NBPF12: variants seen among roughly 807,000 people sequenced by gnomAD.
The protein encoded by NBPF12 is NBPF member 12, also known as NBPF family member NBPF12.
NBPF12 carries 115 observed loss-of-function variants against 146.4 expected under a neutral mutation model. The ratio of observed to expected loss-of-function variants is 0.79; its 90% CI spans 0.68 to 0.92. The LOEUF (loss-of-function observed/expected upper bound fraction) is 0.92, where lower values mean the gene tolerates loss of function less well. NBPF12 is among the 40% of genes least tolerant of loss of function. The pLI, the probability that NBPF12 is intolerant of heterozygous loss-of-function variation, is 0.00. For missense variants in NBPF12, 1,205 were observed against 1,326.8 expected (o/e 0.91, Z 1.43); for synonymous variants, 385 against 508.9 (o/e 0.76, Z 3.28).
chr1:146,969,675 A>C, intron 11 of NBPF12, 79 bp downstream of exon 14: 2 of 1,524,806 alleles, frequency 1.3e-6, no homozygotes, highest in Non-Finnish European at 1.8e-6. Context: ...TCACAATGAC[A>C]GTTGTATCAG....
At chr1:146,963,377 T>A in intron 6 of NBPF12, 68 bp downstream of exon 9, 1 of 1,588,054 alleles carries the variant, frequency 6.3e-7, no homozygotes. Context: ...CCTCCATACT[T>A]TCATGATGAC....
chr1:146,965,031 A>C, exon 8 of NBPF12: 1 of 1,608,712 alleles, frequency 6.2e-7, no homozygotes, highest in Non-Finnish European at 8.5e-7. Context: ...AGGAAGACAA[A>C]GTCAACTCAA....
chr1:146,968,831 C>G (rs1433864885), intron 10 of NBPF12, among the ~76,000 whole-genome samples: 1 of 151,432 alleles, frequency 6.6e-6, no homozygotes, highest in Non-Finnish European at 1.5e-5. Context: ...GTGAACCACA[C>G]AGCAGCATTC....
chr1:146,946,388 A>T (rs1276192920), upstream of NBPF12, among the ~76,000 whole-genome samples: 1 of 150,654 alleles, frequency 6.6e-6, no homozygotes, highest in African/African-American at 2.5e-5. Flanking sequence ...AGCCATTCTG[A>T]TAGGTTTACG....
chr1:146,976,647 G>T (rs1373607983), intron 16 of NBPF12, among the ~76,000 whole-genome samples: 7 of 151,420 alleles, frequency 4.6e-5, no homozygotes, highest in Non-Finnish European at 8.8e-5. Context: ...GGAGACAGCT[G>T]CCAAAGTCCA....
At chr1:146,972,017 A>T (rs1231971550) in intron 13 of NBPF12, among the ~76,000 whole-genome samples, 1 of 146,922 alleles carries the variant, frequency 6.8e-6, no homozygotes, top group African/African-American at 2.6e-5. Flanking sequence ...GAACCCAGGA[A>T]CCGGATCTTG....
At chr1:146,967,662 G>C (rs1553885785) in intron 9 of NBPF12, among the ~76,000 whole-genome samples, 1 of 147,126 alleles carries the variant, frequency 6.8e-6, no homozygotes, top group African/African-American at 2.6e-5. Context: ...AGCAGGGACC[G>C]TGGGCCTGTC....
intron 1 of NBPF12, among the ~76,000 whole-genome samples, chr1:146,941,234 A>C (rs1429609343): frequency 1.1e-4 from 17 of 151,206 alleles, no homozygotes; most frequent in African/African-American, 4.1e-4. Flanking sequence ...ACAGGAGACC[A>C]CTACCATGCT....
At position 146,994,328 on chromosome 1, in the gene NBPF12, C is replaced by T. The variant is rs1440896976; in HGVS notation, c.4131-4C>T. On this transcript the variant is annotated splice_polypyrimidine_tract_variant and splice_region_variant and intron_variant, in intron 33 of 33. Coordinates refer to ENST00000617844, the Ensembl canonical transcript of NBPF12. ...TGCTTCTTTAGTTTTGTCTCCTTTTCCAGGCTCAACAGCGTGCTGATGGAA... is the reference window on the plus strand; with the variant it reads ...TGCTTCTTTAGTTTTGTCTCCTTTTTCAGGCTCAACAGCGTGCTGATGGAA... 7 of 1,611,468 alleles carry T rather than the reference C, an allele frequency of 4.3e-6. No homozygotes were observed. In the African/African-American group the frequency reaches 5.4e-5, roughly 12 times the overall value.
exon 14 of NBPF12, chr1:146,972,891 A>G (rs1480175319): frequency 2.8e-6 from 3 of 1,077,218 alleles, no homozygotes; most frequent in African/African-American, 1.6e-5. Flanking sequence ...ACAGCAGTTC[A>G]GAAGCCTCAA....
intron 5 of NBPF12, among the ~76,000 whole-genome samples, 177 bp from the exon 9 acceptor site, chr1:146,962,916 GGA>G (rs1655953593): frequency 8.6e-5 from 13 of 151,082 alleles, no homozygotes; most frequent in African/African-American, 1.2e-4. Context: ...TCTGATAGAG[GGA>G]AAGCCTGTAG....
chr1:146,996,071 C>A (rs1658521916), exon 34 of NBPF12: 1 of 137,626 alleles, frequency 7.3e-6, no homozygotes, highest in African/African-American at 2.8e-5. Flanking sequence ...TTAATCTATA[C>A]AATTAAAACC....
At chr1:146,963,842 G>A (rs1656019612) in intron 6 of NBPF12, among the ~76,000 whole-genome samples, 2 of 145,910 alleles carry the variant, frequency 1.4e-5, no homozygotes, top group African/African-American at 2.6e-5. Context: ...ACTTGATGTG[G>A]GGGCATTTGG....
chr1:146,941,466 C>G (rs1654799709), intron 1 of NBPF12, among the ~76,000 whole-genome samples: 1 of 148,954 alleles, frequency 6.7e-6, no homozygotes, highest in Non-Finnish European at 1.5e-5. Flanking sequence ...TTTAAGAAAT[C>G]AATGCCTGGC....
upstream of NBPF12, among the ~76,000 whole-genome samples, chr1:146,938,398 G>T (rs1374675190): frequency 6.6e-6 from 1 of 152,116 alleles, no homozygotes; most frequent in African/African-American, 2.4e-5. Context: ...AGGCTTCCGA[G>T]GGGGTGTGTC....
intron 1 of NBPF12, among the ~76,000 whole-genome samples, 139 bp downstream of exon 1, chr1:146,939,151 C>T (rs1255856178): frequency 6.6e-6 from 1 of 151,988 alleles, no homozygotes; most frequent in Non-Finnish European, 1.5e-5. Context: ...AAGTTCCCTG[C>T]GCTTGATTCC....
At chr1:146,956,964 A>G (rs1655620860) in intron 2 of NBPF12, among the ~76,000 whole-genome samples, 1 of 137,090 alleles carries the variant, frequency 7.3e-6, no homozygotes, top group African/African-American at 2.6e-5. Flanking sequence ...ATATCAAAGT[A>G]AAAGAATACA....
At chr1:146,938,331 A>C (rs1185895632), upstream of NBPF12, among the ~76,000 whole-genome samples, 1 of 152,130 alleles carries the variant, frequency 6.6e-6, no homozygotes, top group Admixed American at 6.5e-5. Flanking sequence ...CCCGGAAGTC[A>C]GACTATGGGG....
chr1:146,960,455 A>G, intron 4 of NBPF12, 137 bp downstream of exon 7: 2 of 612,026 alleles, frequency 3.3e-6, no homozygotes, highest in South Asian at 3.9e-5. Flanking sequence ...GTATTTTAAC[A>G]TTTTGTTAAA....
Sources: gnomAD v4.1 joint callset for allele counts (sites outside exome capture counted in the v4.1 genomes callset) on GRCh38, gnomAD v4.1.1 for gene constraint, MANE v1.5 for transcripts, NCBI Gene and HGNC (gene_info 2026-07-23, HGNC 2026-07-21) for gene names.